Variants in MYO3B observed in about 807,000 individuals in gnomAD.
MYO3B encodes myosin-IIIb.
MYO3B carries 156 observed loss-of-function variants against 174.6 expected under a neutral mutation model. That is an observed-to-expected ratio of 0.89 (90% confidence interval 0.78 to 1.02). MYO3B has a LOEUF of 1.02. Among genes scored for constraint, MYO3B ranks in the 50% least tolerant of loss-of-function variants. The pLI is 0.00. For synonymous variants in MYO3B, 563 were observed against 569.1 expected (o/e 0.99, Z 0.15); for missense variants, 1,632 against 1,639.4 (o/e 1.00, Z 0.08).
intron 30 of MYO3B, among the ~76,000 whole-genome samples, chr2:170,522,417 T>C (rs929258139): frequency 6.6e-6 from 1 of 152,208 alleles, no homozygotes; most frequent in Non-Finnish European, 1.5e-5. Context: ...TCTCACTTAA[T>C]CTCACTTCCA....
intron 1 of MYO3B, among the ~76,000 whole-genome samples, chr2:170,191,891 C>T (rs566307794): frequency 6.6e-6 from 1 of 152,274 alleles, no homozygotes; most frequent in African/African-American, 2.4e-5. Flanking sequence ...TCAGTGGAAG[C>T]TTCTGTTTGG....
At position 170,283,806 on chromosome 2, in the gene MYO3B, T is replaced by C. The variant is rs566895603; in HGVS notation, c.749+47670T>C. Among the ~76,000 whole-genome samples, 182 of 152,360 alleles carry C rather than the reference T, an allele frequency of 1.2e-3. 1 individual carries two copies. Among genetic ancestry groups the C allele is most frequent in the Admixed American group, 2.0e-3 (31 of 15,306 alleles). On this transcript the variant is annotated intron_variant, in intron 7 of 34. Transcript: ENST00000408978. The stretch of plus-strand genomic sequence containing the variant: ...TATATTGGCACTTTCTGGTTGAAAG[T>C]AGCACATTATATTTGGATTCCTGGG...
intron 32 of MYO3B, among the ~76,000 whole-genome samples, chr2:170,572,482 G>T (rs113079937): frequency 2.0e-5 from 3 of 151,242 alleles, no homozygotes; most frequent in African/African-American, 7.3e-5. Flanking sequence ...GAGTGTGGTG[G>T]TGTGCTCCTG....
chr2:170,180,296 C>T (rs757788325), intron 1 of MYO3B: 2 of 292,286 alleles, frequency 6.8e-6, no homozygotes, highest in Non-Finnish European at 1.5e-5. Context: ...CAAATCAGCT[C>T]ATGAAAAGAG....
chr2:170,547,548 A>C (rs1690604139), intron 32 of MYO3B, among the ~76,000 whole-genome samples: 2 of 152,294 alleles, frequency 1.3e-5, no homozygotes, highest in South Asian at 4.1e-4. Context: ...TTGTTCTTCT[A>C]CTTATATTTA....
chr2:170,629,669 G>A (rs578083025), intron 32 of MYO3B, among the ~76,000 whole-genome samples: 2 of 152,082 alleles, frequency 1.3e-5, no homozygotes, highest in East Asian at 3.9e-4. Context: ...GGGCAACATG[G>A]TGAAACTCCA....
intron 23 of MYO3B, among the ~76,000 whole-genome samples, chr2:170,449,097 A>C (rs1457501679): frequency 6.6e-6 from 1 of 152,200 alleles, no homozygotes; most frequent in Non-Finnish European, 1.5e-5. Flanking sequence ...TGAAGGTCCT[A>C]AGGTAACTTG....
At chr2:170,576,153 C>A (rs896814469) in intron 32 of MYO3B, among the ~76,000 whole-genome samples, 1 of 152,174 alleles carries the variant, frequency 6.6e-6, no homozygotes, top group Non-Finnish European at 1.5e-5. Context: ...AAAGGGGATG[C>A]AGCAGTATCC....
rs12052594 is a variant in MYO3B, at chr2:170,226,195, G to A, written c.603+8800G>A. 2.4e-4 allele frequency among the ~76,000 whole-genome samples: 37 copies of A among 152,252 alleles called. 1 individual carries two copies. In the East Asian group the frequency reaches 6.2e-3, roughly 25 times the overall value. ...GGAGATTCATGGGACCCTGTCTGCCGGTCATATCACTGTGAGGAATGCAGG... is the reference window on the plus strand; with the variant it reads ...GGAGATTCATGGGACCCTGTCTGCCAGTCATATCACTGTGAGGAATGCAGG... On this transcript the variant is annotated intron_variant, in intron 6 of 34. Transcript: ENST00000408978.
chr2:170,525,888 T>C (rs1688969147), intron 30 of MYO3B, among the ~76,000 whole-genome samples: 2 of 152,156 alleles, frequency 1.3e-5, no homozygotes, highest in African/African-American at 4.8e-5. Context: ...CAGAAATACA[T>C]GGCAGTTCTA....
chr2:170,341,661 A>AC (rs111262540), intron 8 of MYO3B, among the ~76,000 whole-genome samples: 33 of 150,638 alleles, frequency 2.2e-4, no homozygotes, highest in East Asian at 3.9e-4. Flanking sequence ...AAATAAGTTA[A>AC]CCCCCCCCAA....
intron 22 of MYO3B, among the ~76,000 whole-genome samples, chr2:170,419,262 A>G (rs913559075): frequency 1.8e-4 from 28 of 152,348 alleles, no homozygotes; most frequent in African/African-American, 6.5e-4. Context: ...GAAACTCTTT[A>G]TTTTATCTAG....
Position 170,579,676 on chromosome 2 carries a change from C to T in MYO3B, c.3733+35688C>T, listed in dbSNP as rs114974344. On this transcript the variant is annotated intron_variant, in intron 32 of 34. Coordinates refer to ENST00000408978, the MANE Select transcript of MYO3B (RefSeq NM_138995.5). ...AGGGCCATTGTCAGGGAAGCAGCCACAGCCACAGGCTAGAAACCTGGAGCA... is the reference window on the plus strand; with the variant it reads ...AGGGCCATTGTCAGGGAAGCAGCCATAGCCACAGGCTAGAAACCTGGAGCA... Among the ~76,000 whole-genome samples the T allele has an allele frequency of 1.9e-3, 283 of 152,352 alleles. No individual in the cohort carries two copies. In the Middle Eastern group the frequency reaches 0.037, roughly 20 times the overall value.
intron 7 of MYO3B, among the ~76,000 whole-genome samples, chr2:170,330,999 G>A (rs531626429): frequency 1.8e-4 from 28 of 152,280 alleles, no homozygotes; most frequent in African/African-American, 6.7e-4. Flanking sequence ...GAGTATTTCT[G>A]TGCTGGGCAC....
intron 30 of MYO3B, among the ~76,000 whole-genome samples, chr2:170,541,784 T>A (rs1162491288): frequency 6.6e-6 from 1 of 152,198 alleles, no homozygotes; most frequent in Non-Finnish European, 1.5e-5. Flanking sequence ...AGTCCCTGAC[T>A]TAATGTAGCT....
chr2:170,234,784 T>A (rs1574628986), intron 6 of MYO3B, among the ~76,000 whole-genome samples: 1 of 152,362 alleles, frequency 6.6e-6, no homozygotes, highest in Admixed American at 6.5e-5. Context: ...TTAGCTCTCC[T>A]TTCTTCTAAG....
intron 5 of MYO3B, among the ~76,000 whole-genome samples, chr2:170,217,048 A>C (rs1038139624): frequency 4.0e-5 from 6 of 151,818 alleles, no homozygotes; most frequent in Non-Finnish European, 7.4e-5. Flanking sequence ...GAAAAAAAAA[A>C]CCCAAAATAT....
intron 24 of MYO3B, among the ~76,000 whole-genome samples, chr2:170,465,637 G>GC (rs1259847551): frequency 1.3e-5 from 2 of 152,124 alleles, no homozygotes; most frequent in African/African-American, 4.8e-5. Context: ...AGATCTTAGG[G>GC]CCCCCCTATC....
chr2:170,570,403 C>A (rs1297266602), intron 32 of MYO3B, among the ~76,000 whole-genome samples: 1 of 152,102 alleles, frequency 6.6e-6, no homozygotes, highest in African/African-American at 2.4e-5. Context: ...CATAATTAAT[C>A]TTTTTTATAT....
Sources: allele counts gnomAD v4.1 joint callset (sites outside exome capture counted in the v4.1 genomes callset), GRCh38; gene constraint gnomAD v4.1.1; transcripts MANE v1.5; gene names NCBI Gene and HGNC (gene_info 2026-07-23, HGNC 2026-07-21).